The following IL1RAPL1 variants were observed in gnomAD, a reference collection of about 807,000 sequenced individuals.
IL1RAPL1 encodes interleukin 1 receptor accessory protein like 1, also known as interleukin-1 receptor accessory protein-like 1.
IL1RAPL1 carries 3 observed loss-of-function variants against 48.4 expected under a neutral mutation model. The observed-to-expected ratio is 0.06, with a 90% confidence interval of 0.03 to 0.16. The LOEUF is 0.16. IL1RAPL1 is among the 10% of genes least tolerant of loss of function. The probability of loss-of-function intolerance (pLI) is 1.00; values close to 1 mark genes in which losing one functional copy is unlikely to be tolerated. For synonymous variants in IL1RAPL1, 185 were observed against 187.7 expected (o/e 0.99, Z 0.12); for missense variants, 349 against 530.6 (o/e 0.66, Z 3.36).
chrX:28,721,943 C>T (rs1935588758), intron 1 of IL1RAPL1, among the ~76,000 whole-genome samples: 1 of 111,321 alleles, frequency 9.0e-6, no homozygotes, highest in Non-Finnish European at 1.9e-5. Context: ...TGTTCTGTTC[C>T]ACTGGTCTGT....
chrX:29,193,163 A>G (rs1012973895), intron 2 of IL1RAPL1, among the ~76,000 whole-genome samples: 4 of 110,839 alleles, frequency 3.6e-5, no homozygotes, highest in Non-Finnish European at 7.6e-5. Context: ...TCCCATATGA[A>G]TATCATATTG....
intron 2 of IL1RAPL1, among the ~76,000 whole-genome samples, chrX:28,887,903 TTAAAC>T (rs1922680193): frequency 9.0e-6 from 1 of 111,702 alleles, no homozygotes; most frequent in African/African-American, 3.3e-5. Flanking sequence ...TTCAGATTTA[TTAAAC>T]TAAAGTTTAT....
chrX:28,976,349 G>A (rs1319136428), intron 2 of IL1RAPL1, among the ~76,000 whole-genome samples: 1 of 111,207 alleles, frequency 9.0e-6, no homozygotes, highest in Non-Finnish European at 1.9e-5. Flanking sequence ...ACAGGTGGTG[G>A]GTTGTGAATA....
intron 3 of IL1RAPL1, among the ~76,000 whole-genome samples, chrX:29,301,538 C>T (rs1273167617): frequency 1.8e-5 from 2 of 112,057 alleles, no homozygotes; most frequent in East Asian, 5.6e-4. Context: ...ATTATTTAGA[C>T]AATATTCATG....
At chrX:29,861,516 A>G (rs957190194) in intron 6 of IL1RAPL1, among the ~76,000 whole-genome samples, 2 of 111,256 alleles carry the variant, frequency 1.8e-5, no homozygotes, top group Non-Finnish European at 3.8e-5. Context: ...CTGTCACCTA[A>G]CTAGCTGATC....
chrX:29,464,820 AAC>A (rs1435937299), intron 5 of IL1RAPL1, among the ~76,000 whole-genome samples: 1 of 112,175 alleles, frequency 8.9e-6, no homozygotes, highest in African/African-American at 3.2e-5. Context: ...TAAGCAAACT[AAC>A]ACAGCAACAG....
chrX:29,289,977 G>A (rs917156625), intron 3 of IL1RAPL1, among the ~76,000 whole-genome samples: 1 of 111,165 alleles, frequency 9.0e-6, no homozygotes, highest in Admixed American at 9.6e-5. Flanking sequence ...ATTTGCTCAA[G>A]TCTTGATTTT....
At chrX:29,719,743 CAAAAA>C (rs372308075) in intron 6 of IL1RAPL1, among the ~76,000 whole-genome samples, 1 of 21,896 alleles carries the variant, frequency 4.6e-5, no homozygotes, top group Non-Finnish European at 1.1e-4. Context: ...GAAAGATGAG[CAAAAA>C]AAAAAAAAAA....
intron 2 of IL1RAPL1, among the ~76,000 whole-genome samples, chrX:29,270,285 C>T (rs1003842020): frequency 1.8e-5 from 2 of 111,736 alleles, no homozygotes; most frequent in Admixed American, 9.5e-5. Flanking sequence ...AGCTAGATGA[C>T]GTGAAGTTAG....
At chrX:29,638,251 C>G (rs1403921993) in intron 5 of IL1RAPL1, among the ~76,000 whole-genome samples, 1 of 108,490 alleles carries the variant, frequency 9.2e-6, no homozygotes, top group Non-Finnish European at 1.9e-5. Context: ...TTAACATCTG[C>G]TGTCAACACC....
chrX:28,875,215 G>A (rs1308066352), intron 2 of IL1RAPL1, among the ~76,000 whole-genome samples: 1 of 112,060 alleles, frequency 8.9e-6, no homozygotes, highest in African/African-American at 3.2e-5. Flanking sequence ...AGGCATACAT[G>A]ATTATTCCAT....
intron 6 of IL1RAPL1, among the ~76,000 whole-genome samples, chrX:29,883,257 AT>A (rs1932066063): frequency 1.8e-5 from 2 of 110,682 alleles, no homozygotes; most frequent in Non-Finnish European, 3.8e-5. Flanking sequence ...GGATTGGGAA[AT>A]CCATTGACCA....
At chrX:29,377,247 T>A in intron 3 of IL1RAPL1, among the ~76,000 whole-genome samples, 1 of 112,086 alleles carries the variant, frequency 8.9e-6, no homozygotes, top group Non-Finnish European at 1.9e-5. Context: ...TCTGTGGGGG[T>A]GTCATTAGAT....
chrX:28,610,938 G>A (rs184966759), intron 1 of IL1RAPL1, among the ~76,000 whole-genome samples: 24 of 111,346 alleles, frequency 2.2e-4, no homozygotes, highest in African/African-American at 6.5e-4. Context: ...CAGCTAATGC[G>A]CGTACCCTCT....
intron 2 of IL1RAPL1, among the ~76,000 whole-genome samples, chrX:28,933,357 A>G (rs1923935601): frequency 9.0e-6 from 1 of 111,553 alleles, no homozygotes; most frequent in South Asian, 3.7e-4. Flanking sequence ...CAGTTTTCTG[A>G]AACTGTGTAA....
intron 2 of IL1RAPL1, among the ~76,000 whole-genome samples, chrX:29,043,619 A>C (rs1392759275): frequency 9.0e-6 from 1 of 111,438 alleles, no homozygotes; most frequent in Non-Finnish European, 1.9e-5. Context: ...TCATGAATTC[A>C]TCCCATGCGT....
intron 5 of IL1RAPL1, among the ~76,000 whole-genome samples, chrX:29,460,410 G>A (rs746765100): frequency 2.7e-5 from 3 of 111,933 alleles, no homozygotes; most frequent in Non-Finnish European, 5.6e-5. Flanking sequence ...GATCTGTAAC[G>A]TTTAGCCTGT....
At chrX:29,726,140 T>C (rs539243013) in intron 6 of IL1RAPL1, among the ~76,000 whole-genome samples, 35 of 112,401 alleles carry the variant, frequency 3.1e-4, no homozygotes, top group Non-Finnish European at 5.3e-4. Context: ...CTTCCAGAAA[T>C]AAAAAATTTA....
chrX:28,680,956 T>A (rs1935053509), intron 1 of IL1RAPL1, among the ~76,000 whole-genome samples: 1 of 111,869 alleles, frequency 8.9e-6, no homozygotes, highest in African/African-American at 3.2e-5. Flanking sequence ...AAGTTATTTC[T>A]GTTTTTTGAA....
Sources: gnomAD v4.1 joint callset for allele counts (sites outside exome capture counted in the v4.1 genomes callset) on GRCh38, gnomAD v4.1.1 for gene constraint, MANE v1.5 for transcripts, NCBI Gene and HGNC (gene_info 2026-07-23, HGNC 2026-07-21) for gene names.